CREB1: variants seen among roughly 807,000 people sequenced by gnomAD.
CREB1 encodes cyclic AMP-responsive element-binding protein 1.
CREB1 carries 2 observed loss-of-function variants against 42.0 expected under a neutral mutation model. That is an observed-to-expected ratio of 0.05 (90% CI 0.02 to 0.15). CREB1 has a LOEUF of 0.15. Among genes scored for constraint, CREB1 ranks in the 10% least tolerant of loss-of-function variants. The pLI is 1.00. For synonymous variants in CREB1, 123 were observed against 139.9 expected (o/e 0.88, Z 0.85); for missense variants, 199 against 388.9 (o/e 0.51, Z 4.11).
chr2:207,568,798 G>A (rs2082239304), intron 4 of CREB1, among the ~76,000 whole-genome samples: 1 of 151,816 alleles, frequency 6.6e-6, no homozygotes, highest in Non-Finnish European at 1.5e-5. Context: ...TTGTTTTTGG[G>A]TTCCATTTTA....
intron 1 of CREB1, among the ~76,000 whole-genome samples, chr2:207,544,471 A>T (rs2081223617): frequency 6.6e-6 from 1 of 152,188 alleles, no homozygotes; most frequent in African/African-American, 2.4e-5. Context: ...AGTTATAATA[A>T]TTTATACCTG....
intron 1 of CREB1, among the ~76,000 whole-genome samples, chr2:207,546,728 CA>C (rs11397523): frequency 2.0e-5 from 3 of 147,174 alleles, no homozygotes; most frequent in Admixed American, 6.7e-5. Flanking sequence ...GACCCTATAT[CA>C]AAAAAAAAAC....
intron 7 of CREB1, among the ~76,000 whole-genome samples, chr2:207,584,082 C>G (rs1221483154): frequency 6.6e-6 from 1 of 152,074 alleles, no homozygotes; most frequent in African/African-American, 2.4e-5. Context: ...GAATTTCATC[C>G]CAGTTATTTC....
intron 7 of CREB1, among the ~76,000 whole-genome samples, chr2:207,583,163 TC>T (rs2083243993): frequency 1.3e-5 from 2 of 152,166 alleles, no homozygotes; most frequent in Non-Finnish European, 2.9e-5. Context: ...ATAGGGGGAT[TC>T]ATATAGGTTA....
At chr2:207,580,136 AGAG>A (rs952636035) in intron 7 of CREB1, among the ~76,000 whole-genome samples, 7 of 152,272 alleles carry the variant, frequency 4.6e-5, no homozygotes, top group Non-Finnish European at 1.0e-4. Flanking sequence ...TCCCCACTTT[AGAG>A]GAGGAGAAGG....
At chr2:207,584,708 A>G (rs1301571981) in intron 7 of CREB1, among the ~76,000 whole-genome samples, 1 of 152,106 alleles carries the variant, frequency 6.6e-6, no homozygotes, top group East Asian at 1.9e-4. Flanking sequence ...AGCCTTCATT[A>G]GTGACTTTTA....
chr2:207,578,728 A>T (rs921612552), intron 7 of CREB1, among the ~76,000 whole-genome samples: 3 of 152,018 alleles, frequency 2.0e-5, no homozygotes, highest in Admixed American at 6.6e-5. Context: ...TTATATCTAA[A>T]CTCTGAGAAA....
chr2:207,595,505 C>T lies in CREB1; in HGVS notation c.840-1409C>T, dbSNP rs550170587. On this transcript the variant is annotated intron_variant, in intron 7 of 7. Transcript: ENST00000353267. The stretch of plus-strand genomic sequence containing the variant: ...GCATGATCATGGCTCACTGCAGCCT[C>T]GACCTCCCGGCCTCCAACCTCAGCT... Among the ~76,000 whole-genome samples, 123 of 151,924 alleles carry T rather than the reference C, an allele frequency of 8.1e-4. 1 individual carries two copies. The highest frequency in any genetic ancestry group is 7.1e-3 in the Admixed American group (109 of 15,264).
At chr2:207,593,711 C>T (rs1268552391) in intron 7 of CREB1, among the ~76,000 whole-genome samples, 2 of 143,684 alleles carry the variant, frequency 1.4e-5, no homozygotes, top group African/African-American at 5.2e-5. Context: ...TCATTTGATC[C>T]TCACAAACTT....
Position 207,555,689 on chromosome 2 carries a change from A to T in CREB1, c.54A>T (p.Thr18=). 3.7e-6 allele frequency: 6 copies of T among 1,613,750 alleles called. No homozygotes were observed. The East Asian group carries it at 1.3e-4, about 36-fold the overall frequency. ...AGCAGAGTGGAGATGCAGCTGTAAC[A>T]GAAGCTGAAAACCAACAAATGACAG... ...ENQQSGDAAV[T]EAENQQMTVQ... is the part of the protein sequence containing the mutation. The change falls in exon 2 of 8, where the codon ACA becomes ACT. Residue 18 remains threonine, a synonymous_variant. Coordinates refer to ENST00000353267, the MANE Select transcript of CREB1 (RefSeq NM_004379.5).
At position 207,546,530 on chromosome 2, in the gene CREB1, C is replaced by T. The variant is rs1431206317; in HGVS notation, c.-8-9098C>T. ...TCACCTGAGGTCAGGAGTTTGAGAC[C>T]AGCCTGGCCAACGTTGTGAAACCCC... On this transcript the variant is annotated intron_variant, in intron 1 of 7. Transcript: ENST00000353267. Among the ~76,000 whole-genome samples, 7 of 152,174 alleles carry T rather than the reference C, an allele frequency of 4.6e-5. No homozygotes were observed. The East Asian group carries it at 1.4e-3, about 29-fold the overall frequency.
At chr2:207,536,715 C>G (rs1485618219) in intron 1 of CREB1, among the ~76,000 whole-genome samples, 1 of 151,876 alleles carries the variant, frequency 6.6e-6, no homozygotes, top group Non-Finnish European at 1.5e-5. Flanking sequence ...TTTGGCCAGG[C>G]GTGGTGGCTC....
chr2:207,544,839 G>GT (rs1184912972), intron 1 of CREB1, among the ~76,000 whole-genome samples: 2 of 152,178 alleles, frequency 1.3e-5, no homozygotes, highest in African/African-American at 4.8e-5. Flanking sequence ...TTCTGTTCCT[G>GT]TATTAGTTTG....
chr2:207,582,917 A>AT (rs201189944), intron 7 of CREB1: 335 of 226,302 alleles, frequency 1.5e-3, no homozygotes, highest in South Asian at 2.4e-3. Flanking sequence ...AAACAAAAAA[A>AT]AATATATATA....
chr2:207,582,144 G>T (rs777987577), intron 7 of CREB1: 5 of 702,762 alleles, frequency 7.1e-6, no homozygotes, highest in Non-Finnish European at 2.6e-6. Flanking sequence ...AAGGGGAGGA[G>T]AATTAAATTC....
chr2:207,567,485 A>G lies in CREB1; in HGVS notation c.284A>G (p.Glu95Gly). 1 of 1,609,970 alleles carries G rather than the reference A, an allele frequency of 6.2e-7. No individual in the cohort carries two copies. Among genetic ancestry groups the G allele is most frequent in the Non-Finnish European group, 8.5e-7 (1 of 1,177,464 alleles). ...CAGATTTCAACTATTGCAGAAAGTGAAGATTCACAGGAGTCAGTGGATAGT... is the reference window on the plus strand; with the variant it reads ...CAGATTTCAACTATTGCAGAAAGTGGAGATTCACAGGAGTCAGTGGATAGT... ...TVQISTIAES[E>G]DSQESVDSVT... The change falls in exon 4 of 8, where the codon GAA becomes GGA. Residue 95 changes from glutamate (E) to glycine (G), a missense_variant. Coordinates refer to ENST00000353267, the MANE Select transcript of CREB1 (RefSeq NM_004379.5).
intron 1 of CREB1, among the ~76,000 whole-genome samples, chr2:207,549,599 G>A (rs529081202): frequency 1.3e-5 from 2 of 152,196 alleles, no homozygotes; most frequent in South Asian, 4.1e-4. Flanking sequence ...TTTGGCTGGG[G>A]TGCAGTGGCT....
At position 207,555,678 on chromosome 2, in the gene CREB1, G is replaced by C; in HGVS notation, c.43G>C (p.Ala15Pro). Residue 15 changes from alanine (A) to proline (P), a missense_variant, in exon 2 of 8, where the codon GCA (alanine) becomes CCA (proline). Ala to Pro is a conservative substitution (Grantham distance 27). This residue lies in a region of CREB1 where 53 missense variants were observed against 57.1 expected (regional missense o/e 0.93). Coordinates refer to ENST00000353267, the MANE Select transcript of CREB1 (RefSeq NM_004379.5). ...AGCCGAGAACCAGCAGAGTGGAGAT[G>C]CAGCTGTAACAGAAGCTGAAAACCA... ...SGAENQQSGD[A>P]AVTEAENQQM... 1 of 1,613,632 alleles carries C rather than the reference G, an allele frequency of 6.2e-7. No homozygotes were observed. The highest frequency in any genetic ancestry group is 8.5e-7 in the Non-Finnish European group (1 of 1,179,686).
Position 207,597,429 on chromosome 2 carries a change from GACAGAATT to G in CREB1, c.*374_*381del. ...TGCTGAGCTCCTTGATTGCCTTAGG[GACAGAATT>G]ACCCCAGCCTCTTGAGCTGAAGTAA... On this transcript the variant is annotated 3_prime_UTR_variant, in exon 8 of 8. Coordinates refer to ENST00000353267, the MANE Select transcript of CREB1 (RefSeq NM_004379.5). The G allele has an allele frequency of 4.1e-6, 1 of 244,412 alleles. No homozygotes were observed. The highest frequency in any genetic ancestry group is 6.4e-5 in the East Asian group (1 of 15,722). 15.1% of individuals were successfully genotyped at this position (244,412 alleles called of 1,614,324 possible).
Sources: allele counts gnomAD v4.1 joint callset (sites outside exome capture counted in the v4.1 genomes callset), GRCh38; gene constraint gnomAD v4.1.1; regional missense constraint gnomAD v4.1.1; transcripts MANE v1.5; gene names NCBI Gene and HGNC (gene_info 2026-07-23, HGNC 2026-07-21).